The following RABGAP1L variants were observed in gnomAD, a reference collection of about 807,000 sequenced individuals.
The protein encoded by RABGAP1L is RAB GTPase activating protein 1 like.
RABGAP1L carries 63 observed loss-of-function variants against 137.7 expected under a neutral mutation model. The ratio of observed to expected loss-of-function variants is 0.46; its 90% CI spans 0.37 to 0.56. The LOEUF (loss-of-function observed/expected upper bound fraction) is 0.56. Ranked by LOEUF, RABGAP1L falls within the 20% of genes least tolerant of loss-of-function variation. RABGAP1L has a pLI of 0.00. For missense variants in RABGAP1L, 1,095 were observed against 1,244.0 expected, an observed-to-expected ratio of 0.88 and a Z score of 1.80; for synonymous variants, 431 against 433.7, an observed-to-expected ratio of 0.99 and a Z score of 0.08.
intron 11 of RABGAP1L, among the ~76,000 whole-genome samples, chr1:174,342,418 G>A (rs1351243652): frequency 3.9e-5 from 6 of 152,030 alleles, no homozygotes; most frequent in East Asian, 3.9e-4. Context: ...ATTAGCTAAC[G>A]TGATTCTCTG....
intron 13 of RABGAP1L, among the ~76,000 whole-genome samples, chr1:174,610,310 GT>G (rs967683276): frequency 1.8e-4 from 26 of 148,212 alleles, no homozygotes; most frequent in African/African-American, 6.5e-4. Flanking sequence ...GCAGTGTTTG[GT>G]TTTTTGTCCT....
intron 19 of RABGAP1L, among the ~76,000 whole-genome samples, chr1:174,900,572 A>G (rs1657974876): frequency 6.6e-6 from 1 of 152,148 alleles, no homozygotes; most frequent in African/African-American, 2.4e-5. Flanking sequence ...CACTTGATAT[A>G]ATTTTAGGAC....
At chr1:174,382,799 C>A (rs1381406762) in intron 12 of RABGAP1L, among the ~76,000 whole-genome samples, 1 of 151,510 alleles carries the variant, frequency 6.6e-6, no homozygotes, top group Non-Finnish European at 1.5e-5. Context: ...TTGTCAAAGT[C>A]ATTCTCCATC....
At chr1:174,784,924 AT>A (rs1264992544) in intron 18 of RABGAP1L, among the ~76,000 whole-genome samples, 1 of 152,232 alleles carries the variant, frequency 6.6e-6, no homozygotes, top group Non-Finnish European at 1.5e-5. Context: ...ATAAAAAGTA[AT>A]GAAAGATGGC....
At chr1:174,182,236 G>A (rs1666432623) in intron 1 of RABGAP1L, among the ~76,000 whole-genome samples, 2 of 150,482 alleles carry the variant, frequency 1.3e-5, no homozygotes, top group East Asian at 1.9e-4. Context: ...GAGATTCGGG[G>A]AAAAAAAAAT....
chr1:174,450,597 A>G (rs1173281854), intron 13 of RABGAP1L, among the ~76,000 whole-genome samples: 1 of 152,190 alleles, frequency 6.6e-6, no homozygotes, highest in Non-Finnish European at 1.5e-5. Context: ...TTTCTTTTGT[A>G]ATGATCTGTT....
At chr1:174,681,327 G>A (rs1678049997) in intron 14 of RABGAP1L, among the ~76,000 whole-genome samples, 1 of 152,110 alleles carries the variant, frequency 6.6e-6, no homozygotes, top group African/African-American at 2.4e-5. Flanking sequence ...AACAGATCAT[G>A]GTATATTCAT....
intron 3 of RABGAP1L, among the ~76,000 whole-genome samples, chr1:174,222,970 T>G (rs548148052): frequency 6.6e-6 from 1 of 152,102 alleles, no homozygotes; most frequent in African/African-American, 2.4e-5. Flanking sequence ...ACCCCGTCTC[T>G]ATTAAAAATA....
intron 17 of RABGAP1L, among the ~76,000 whole-genome samples, chr1:174,712,239 A>G (rs1031392372): frequency 6.6e-6 from 1 of 152,152 alleles, no homozygotes; most frequent in East Asian, 1.9e-4. Context: ...CCGAGCAGTC[A>G]CCTTCCGGAC....
At chr1:174,741,855 C>CA (rs775821774) in intron 17 of RABGAP1L, among the ~76,000 whole-genome samples, 1,491 of 41,848 alleles carry the variant, frequency 0.036, 50 homozygotes, top group Middle Eastern at 0.11. Context: ...CCTATTTCTA[C>CA]AAAAAAAAAA....
chr1:174,549,350 C>T (rs748633657), intron 13 of RABGAP1L, among the ~76,000 whole-genome samples: 3 of 152,036 alleles, frequency 2.0e-5, no homozygotes, highest in Non-Finnish European at 4.4e-5. Context: ...GTAAACTCAA[C>T]AAAATTTTCT....
chr1:174,200,932 T>C (rs1197366258), intron 1 of RABGAP1L, among the ~76,000 whole-genome samples: 1 of 152,188 alleles, frequency 6.6e-6, no homozygotes, highest in Non-Finnish European at 1.5e-5. Context: ...ACATCTGAAG[T>C]CACTGTGGCT....
rs370874194 is a variant in RABGAP1L, at chr1:174,397,345, A to C, written c.1710+3200A>C. Among the ~76,000 whole-genome samples the C allele has an allele frequency of 7.8e-4, 118 of 152,244 alleles. 2 individuals are homozygous for C. In the East Asian group the frequency reaches 0.018, roughly 23 times the overall value. Reference sequence around the variant, plus strand: ...TGTGGTTGGCAGATACCTGGGCTTCACCAGTTGTGAGGTTTTTGCATCTGC... The same window carrying C: ...TGTGGTTGGCAGATACCTGGGCTTCCCCAGTTGTGAGGTTTTTGCATCTGC... On this transcript the variant is annotated intron_variant, in intron 13 of 25. Coordinates refer to ENST00000681986, the MANE Select transcript of RABGAP1L (RefSeq NM_001366446.1).
intron 17 of RABGAP1L, among the ~76,000 whole-genome samples, chr1:174,737,598 C>G (rs1683063058): frequency 6.6e-6 from 1 of 152,162 alleles, no homozygotes; most frequent in Non-Finnish European, 1.5e-5. Context: ...AGCTGCTTCC[C>G]ACATCTTCAG....
At chr1:174,762,947 T>C (rs573489618) in intron 18 of RABGAP1L, among the ~76,000 whole-genome samples, 13 of 151,568 alleles carry the variant, frequency 8.6e-5, no homozygotes, top group Admixed American at 8.6e-4. Context: ...CTGGAATAGC[T>C]GGGACTACAG....
intron 13 of RABGAP1L, among the ~76,000 whole-genome samples, chr1:174,615,417 T>C (rs1430530724): frequency 6.6e-6 from 1 of 152,162 alleles, no homozygotes; most frequent in Non-Finnish European, 1.5e-5. Context: ...AATGCTGCTG[T>C]CTGATCGTTA....
rs190222079 is a variant in RABGAP1L at position 174,403,566 on chromosome 1, C to T, written c.1710+9421C>T. Reference sequence around the variant, plus strand: ...TTACATAAAATGATGAAGTGCTTGGCGTATAGTAAGTACTCATGATTAGCT... The same window carrying T: ...TTACATAAAATGATGAAGTGCTTGGTGTATAGTAAGTACTCATGATTAGCT... On this transcript the variant is annotated intron_variant, in intron 13 of 25. Transcript: ENST00000681986. Among the ~76,000 whole-genome samples, 12 of 151,984 alleles carry T rather than the reference C, an allele frequency of 7.9e-5. No individual in the cohort carries two copies. The East Asian group carries it at 2.3e-3, about 29-fold the overall frequency.
rs12068100 is a variant in RABGAP1L at position 174,964,930 on chromosome 1, T to A, written c.2434-4347T>A. 3.4e-3 allele frequency: 5,091 copies of A among 1,494,032 alleles called. 121 individuals are homozygous for A. In the African/African-American group the frequency reaches 0.06, roughly 18 times the overall value. 92.5% of individuals were successfully genotyped at this position (1,494,032 alleles called of 1,614,324 possible). A position where few individuals can be genotyped will look rare whatever the true frequency, so the allele number is the denominator to read the frequency against. On this transcript the variant is annotated intron_variant, in intron 20 of 25. Transcript: ENST00000681986. ...AATTTCATTGGATATTCTTTTTTTT[T>A]AATTGTCTTTGTACCTATGATTGAA... is the stretch of plus-strand genomic sequence containing the variant.
chr1:174,573,330 A>G (rs1459982859), intron 13 of RABGAP1L, among the ~76,000 whole-genome samples: 1 of 151,926 alleles, frequency 6.6e-6, no homozygotes, highest in Non-Finnish European at 1.5e-5. Context: ...GTGTGTGTAT[A>G]TATATAACTT....
Sources: gnomAD v4.1 joint callset for allele counts (sites outside exome capture counted in the v4.1 genomes callset) on GRCh38, gnomAD v4.1.1 for gene constraint, MANE v1.5 for transcripts, NCBI Gene and HGNC (gene_info 2026-07-23, HGNC 2026-07-21) for gene names.